The following TRAPPC2L variants were observed in gnomAD, a reference collection of about 807,000 sequenced individuals.
TRAPPC2L encodes trafficking protein particle complex subunit 2-like protein.
In TRAPPC2L, 17 loss-of-function variants were observed where a neutral mutation model predicts 13.2. The ratio of observed to expected loss-of-function variants is 1.29; its 90% confidence interval spans 0.88 to 1.93. TRAPPC2L has a LOEUF of 1.93. Among genes scored for constraint, TRAPPC2L ranks in the 30% most tolerant of loss-of-function variants. The pLI, the probability that TRAPPC2L is intolerant of heterozygous loss-of-function variation, is 0.00. For synonymous variants in TRAPPC2L, 150 were observed against 98.1 expected (o/e 1.53, Z -3.12); for missense variants, 359 against 252.1 (o/e 1.42, Z -2.87).
At chr16:88,859,055 C>G in intron 2 of TRAPPC2L, 1 of 518,692 alleles carries the variant, frequency 1.9e-6, no homozygotes, top group Non-Finnish European at 3.5e-6. Context: ...AAGTGGGACA[C>G]TTCTGCTTTG....
At chr16:88,856,540 C>T, upstream of TRAPPC2L, 1 of 696,468 alleles carries the variant, frequency 1.4e-6, no homozygotes, top group Admixed American at 2.0e-5. Flanking sequence ...CTGGACCCCG[C>T]GGCCACTCCC....
chr16:88,857,199 G>C lies in TRAPPC2L; in HGVS notation c.33+16G>C. 7 of 1,564,162 alleles carry C rather than the reference G, an allele frequency of 4.5e-6. No individual in the cohort carries two copies. The highest frequency in any genetic ancestry group is 5.2e-6 in the Non-Finnish European group (6 of 1,160,154). On this transcript the variant is annotated intron_variant, in intron 1 of 3. Coordinates refer to ENST00000565504, the Ensembl canonical transcript of TRAPPC2L. ...TGCCAAGGAGGTGCGTACGCGCGGC[G>C]TGGGGCGTCCGGGCTCGCACCATCC...
exon 4 of TRAPPC2L, chr16:88,861,777 G>C: frequency 2.3e-6 from 1 of 426,564 alleles, no homozygotes; most frequent in Non-Finnish European, 4.8e-6. Context: ...CAGGACTGGA[G>C]AGTTTCTCAA....
At chr16:88,860,555 ACT>A (rs1968314706) in exon 4 of TRAPPC2L, 1 of 589,726 alleles carries the variant, frequency 1.7e-6, no homozygotes, top group African/African-American at 1.9e-5. Flanking sequence ...CCACCAGGAC[ACT>A]GTCTTGGGGC....
upstream of TRAPPC2L, chr16:88,856,340 G>C (rs372253680): frequency 7.1e-6 from 5 of 702,458 alleles, no homozygotes; most frequent in African/African-American, 7.0e-5. Context: ...GGCAGGAGCA[G>C]CCTCTTCCTC....
rs115604031 is a variant in TRAPPC2L, at chr16:88,860,160, T to A, written c.562T>A (p.Ser188Thr). Residue 188 changes from serine (S) to threonine (T), a missense_variant, in exon 4 of 4, where the codon TCT becomes ACT. Coordinates refer to ENST00000565504, the Ensembl canonical transcript of TRAPPC2L. ...TTCTCCACACCAACTCTTACACAGA[T>A]CTCCAGCGCATAAAGTGGATAGAGT... 4.8e-5 allele frequency: 34 copies of A among 713,932 alleles called. No homozygotes were observed. The African/African-American group carries it at 5.6e-4, about 12-fold the overall frequency. The allele number at this position is 713,932 out of a possible 1,614,324, so 44.2% of individuals were successfully genotyped here. A position where few individuals can be genotyped will look rare whatever the true frequency, so the allele number is the denominator to read the frequency against.
chr16:88,858,809 G>A lies in TRAPPC2L; in HGVS notation c.206+18G>A, dbSNP rs1385625448. The A allele has an allele frequency of 3.9e-5, 63 of 1,607,938 alleles. No homozygotes were observed. Among genetic ancestry groups the A allele is most frequent in the Non-Finnish European group, 5.0e-5 (59 of 1,176,408 alleles). ...TACAAGGTGTATCTTTCAGGGCAGG[G>A]TGTGTGTCAGGGAGGACCTACAGTT... On this transcript the variant is annotated intron_variant, in intron 2 of 3. Transcript: ENST00000565504.
chr16:88,856,527 C>A, upstream of TRAPPC2L: 2 of 696,320 alleles, frequency 2.9e-6, no homozygotes, highest in South Asian at 1.5e-5. Flanking sequence ...CGAGACCCCA[C>A]GCCTGGACCC....
At chr16:88,860,522 T>C (rs921902222) in exon 4 of TRAPPC2L, 5 of 596,350 alleles carry the variant, frequency 8.4e-6, no homozygotes, top group East Asian at 8.3e-5. Flanking sequence ...GACGCTGCAG[T>C]GATCCAAGGC....
intron 3 of TRAPPC2L, 38 bp from the exon 4 acceptor site, chr16:88,859,855 G>T (rs762545161): frequency 5.1e-6 from 8 of 1,573,292 alleles, no homozygotes; most frequent in African/African-American, 1.5e-5. Context: ...GTGGCTGTGT[G>T]TATGTGGCAA....
chr16:88,858,552 A>G, intron 1 of TRAPPC2L, 67 bp from the exon 2 acceptor site: 4 of 1,557,298 alleles, frequency 2.6e-6, no homozygotes, highest in East Asian at 2.3e-5. Context: ...GCTCTGCAGC[A>G]TAGTTCAGAG....
chr16:88,861,081 A>G, exon 4 of TRAPPC2L: 1 of 927,788 alleles, frequency 1.1e-6, no homozygotes. Context: ...GCAGCTGTGC[A>G]TGTTCTCTCA....
rs148514448 is a variant in TRAPPC2L, at chr16:88,859,666, C to T, written c.210C>T (p.Tyr70=). 87 of 1,613,764 alleles carry T rather than the reference C, an allele frequency of 5.4e-5. No homozygotes were observed. In the African/African-American group the frequency reaches 9.5e-4, roughly 18 times the overall value. Residue 70 remains tyrosine (Y), a synonymous_variant, in exon 3 of 4, where the codon TAC becomes TAT. Coordinates refer to ENST00000565504, the Ensembl canonical transcript of TRAPPC2L. Reference sequence around the variant, plus strand: ...CCTTCCCTAACCAGCTGTGCAGATACGGCTACGTCACCAACTCCAAGGTGA... The same window carrying T: ...CCTTCCCTAACCAGCTGTGCAGATATGGCTACGTCACCAACTCCAAGGTGA...
rs891138901 is a variant in TRAPPC2L at position 88,857,228 on chromosome 16, G to A, written c.33+45G>A. 6 of 1,459,932 alleles carry A rather than the reference G, an allele frequency of 4.1e-6. No individual in the cohort carries two copies. In the East Asian group the frequency reaches 1.4e-4, roughly 35 times the overall value. The allele number at this position is 1,459,932 out of a possible 1,614,324, so 90.4% of individuals were successfully genotyped here. On this transcript the variant is annotated intron_variant, in intron 1 of 3. Transcript: ENST00000565504. ...GGCGTCCGGGCTCGCACCATCCTCG[G>A]CTCTCCGCTTTCTTTCTACTTCTTC... is the stretch of plus-strand genomic sequence containing the variant.
Position 88,859,753 on chromosome 16 carries a change from A to G in TRAPPC2L, c.294+3A>G. On this transcript the variant is annotated splice_donor_region_variant and intron_variant, in intron 3 of 3. Coordinates refer to ENST00000565504, the Ensembl canonical transcript of TRAPPC2L. Reference sequence around the variant, plus strand: ...TTCGAGACAACGAAATTCGCAGCGTAAGTCAGGGAGTTAGAGGGCCACGCC... The same window carrying G: ...TTCGAGACAACGAAATTCGCAGCGTGAGTCAGGGAGTTAGAGGGCCACGCC... 2 of 1,613,418 alleles carry G rather than the reference A, an allele frequency of 1.2e-6. No individual in the cohort carries two copies. Among genetic ancestry groups the G allele is most frequent in the Non-Finnish European group, 1.7e-6 (2 of 1,179,586 alleles).
intron 2 of TRAPPC2L, 29 bp downstream of exon 2, chr16:88,858,820 G>A (rs779661405): frequency 1.3e-6 from 2 of 1,599,772 alleles, no homozygotes; most frequent in Non-Finnish European, 8.5e-7. Context: ...TGTGTGTCAG[G>A]GAGGACCTAC....
At chr16:88,856,849 C>T (rs1967945316), upstream of TRAPPC2L, 1 of 1,514,022 alleles carries the variant, frequency 6.6e-7, no homozygotes, top group Non-Finnish European at 8.8e-7. Flanking sequence ...CAGCTGCCAC[C>T]ACCTCGTCGC....
chr16:88,858,671 A>G (rs762265653), exon 2 of TRAPPC2L: 2 of 1,613,510 alleles, frequency 1.2e-6, no homozygotes, highest in Non-Finnish European at 1.7e-6. Context: ...CTGAAGTTCC[A>G]CTACATGGTG....
chr16:88,857,237 T>A, intron 1 of TRAPPC2L, 54 bp downstream of exon 1: 2 of 1,434,160 alleles, frequency 1.4e-6, no homozygotes, highest in Non-Finnish European at 1.9e-6. Flanking sequence ...GGCTCTCCGC[T>A]TTCTTTCTAC....
Sources: gnomAD v4.1 joint callset for allele counts on GRCh38, gnomAD v4.1.1 for gene constraint, MANE v1.5 for transcripts, NCBI Gene and HGNC (gene_info 2026-07-23, HGNC 2026-07-21) for gene names.